Variants in DGKB observed in about 807,000 individuals in gnomAD.
DGKB encodes diacylglycerol kinase beta, also known as 90 kDa diacylglycerol kinase.
DGKB carries 67 observed loss-of-function variants against 114.3 expected under a neutral mutation model. The observed-to-expected ratio is 0.59, with a 90% CI of 0.48 to 0.72. DGKB has a LOEUF of 0.72. DGKB is among the 30% of genes least tolerant of loss of function. The pLI is 0.00. For synonymous variants in DGKB, 398 were observed against 323.1 expected (o/e 1.23, Z -2.49); for missense variants, 907 against 975.2 (o/e 0.93, Z 0.93).
intron 23 of DGKB, among the ~76,000 whole-genome samples, chr7:14,251,106 G>A (rs1172847692): frequency 1.3e-5 from 2 of 152,084 alleles, no homozygotes; most frequent in African/African-American, 4.8e-5. Flanking sequence ...CTTTTGACTG[G>A]AAACTTTAAT....
intron 2 of DGKB, among the ~76,000 whole-genome samples, chr7:14,814,735 C>T (rs1187972719): frequency 6.6e-6 from 1 of 151,876 alleles, no homozygotes; most frequent in African/African-American, 2.4e-5. Flanking sequence ...CCAAATATTC[C>T]TCCTTTAGAT....
At chr7:14,600,239 T>C (rs922150969) in intron 17 of DGKB, among the ~76,000 whole-genome samples, 77 of 152,172 alleles carry the variant, frequency 5.1e-4, no homozygotes, top group African/African-American at 1.7e-3. Flanking sequence ...TATAAGGGCA[T>C]TGATCCAACT....
At chr7:14,466,501 T>C (rs1448064536) in intron 21 of DGKB, among the ~76,000 whole-genome samples, 2 of 152,198 alleles carry the variant, frequency 1.3e-5, no homozygotes, top group Non-Finnish European at 2.9e-5. Flanking sequence ...TTGCAGCCAG[T>C]CAACACTGCA....
At chr7:14,684,857 CATT>C (rs1821403191) in intron 10 of DGKB, among the ~76,000 whole-genome samples, 1 of 151,542 alleles carries the variant, frequency 6.6e-6, no homozygotes, top group Non-Finnish European at 1.5e-5. Context: ...GGAATCAACT[CATT>C]ATAAGATGTT....
At chr7:14,188,012 A>G (rs1161388054) in intron 23 of DGKB, among the ~76,000 whole-genome samples, 1 of 152,210 alleles carries the variant, frequency 6.6e-6, no homozygotes, top group African/African-American at 2.4e-5. Flanking sequence ...AAATAAAAAA[A>G]GAACCAAGCG....
chr7:14,733,711 AAG>A (rs772718492), intron 5 of DGKB, among the ~76,000 whole-genome samples: 3 of 150,330 alleles, frequency 2.0e-5, no homozygotes, highest in Non-Finnish European at 4.4e-5. Flanking sequence ...GAAAGAATGA[AAG>A]AGAGAAAGAG....
intron 2 of DGKB, among the ~76,000 whole-genome samples, chr7:14,810,184 C>T (rs1179239590): frequency 1.3e-5 from 2 of 152,192 alleles, no homozygotes; most frequent in South Asian, 2.1e-4. Flanking sequence ...AAAGACTAGG[C>T]TCAGAGGTCA....
chr7:14,725,435 G>A (rs1829874250), intron 5 of DGKB, among the ~76,000 whole-genome samples: 1 of 151,906 alleles, frequency 6.6e-6, no homozygotes, highest in Admixed American at 6.6e-5. Context: ...TATTAAAAGA[G>A]CCCATGATGC....
chr7:14,345,359 C>T lies in DGKB; in HGVS notation c.1868G>A (p.Gly623Asp), dbSNP rs1318885772. 6.5e-7 allele frequency: 1 copy of T among 1,544,316 alleles called. No homozygotes were observed. The highest frequency in any genetic ancestry group is 8.7e-7 in the Non-Finnish European group (1 of 1,143,386). The change falls in exon 22 of 26, where the codon GGC becomes GAC. Residue 623 changes from glycine (G) to aspartate (D), a missense_variant. By Grantham distance (94) the Gly-to-Asp change is moderately conservative. This residue lies in a region of DGKB where 814 missense variants were observed against 856.6 expected (regional missense o/e 0.95). Transcript: ENST00000402815. ...MKNKFWYFEF[G>D]TSETFSATCK... ...GGTGGCTGAGAAAGTTTCAGATGTG[C>T]CAAACTCAAAATACCAAAATTTGTT...
At chr7:14,718,426 T>G (rs1585938435) in intron 6 of DGKB, 116 bp downstream of exon 6, 1 of 822,034 alleles carries the variant, frequency 1.2e-6, no homozygotes, top group East Asian at 3.1e-5. Context: ...TTAAGCAGGA[T>G]CACTTTATTC....
At chr7:14,829,840 A>G (rs1846177676) in intron 2 of DGKB, among the ~76,000 whole-genome samples, 1 of 152,134 alleles carries the variant, frequency 6.6e-6, no homozygotes, top group Non-Finnish European at 1.5e-5. Context: ...GGTATCACAG[A>G]GTAGTGCCTC....
At chr7:14,782,827 T>TTATA (rs35531994) in intron 2 of DGKB, among the ~76,000 whole-genome samples, 55 of 149,796 alleles carry the variant, frequency 3.7e-4, no homozygotes, top group Non-Finnish European at 1.5e-4. Flanking sequence ...GCTCACATGA[T>TTATA]TATATATATA....
chr7:14,326,730 A>G (rs1451377993), intron 23 of DGKB, among the ~76,000 whole-genome samples: 2 of 152,148 alleles, frequency 1.3e-5, no homozygotes, highest in African/African-American at 4.8e-5. Context: ...TCTGCAAAAC[A>G]AAAACACCCC....
intron 23 of DGKB, among the ~76,000 whole-genome samples, chr7:14,203,313 A>C (rs1475504359): frequency 6.6e-6 from 1 of 151,948 alleles, no homozygotes; most frequent in East Asian, 1.9e-4. Flanking sequence ...AATTGGGTTG[A>C]GGAACAAACA....
At chr7:14,649,017 C>G (rs13238566) in intron 13 of DGKB, among the ~76,000 whole-genome samples, 12,294 of 45,058 alleles carry the variant, frequency 0.27, 5,058 homozygotes, top group African/African-American at 0.58. Flanking sequence ...ATCTACGTCT[C>G]ATTGGTGTAC....
chr7:14,848,574 G>A (rs1423511408), intron 1 of DGKB, among the ~76,000 whole-genome samples: 2 of 152,170 alleles, frequency 1.3e-5, no homozygotes, highest in African/African-American at 2.4e-5. Flanking sequence ...CTGATGTGGT[G>A]ACAAAAAGCT....
At chr7:14,779,091 G>A (rs1838678625) in intron 2 of DGKB, among the ~76,000 whole-genome samples, 1 of 152,076 alleles carries the variant, frequency 6.6e-6, no homozygotes, top group Admixed American at 6.5e-5. Context: ...GGGAGGGAGA[G>A]GTTGCAGTGA....
chr7:14,694,756 T>C (rs571820428), intron 8 of DGKB, among the ~76,000 whole-genome samples: 1 of 152,248 alleles, frequency 6.6e-6, no homozygotes, highest in Admixed American at 6.5e-5. Context: ...CATTTACCTC[T>C]CTGTGGTATG....
intron 20 of DGKB, among the ~76,000 whole-genome samples, chr7:14,504,964 A>C (rs1249998009): frequency 6.6e-6 from 1 of 152,168 alleles, no homozygotes; most frequent in Non-Finnish European, 1.5e-5. Flanking sequence ...AAATCCTCAA[A>C]GGAACAAGAG....
Sources: gnomAD v4.1 joint callset for allele counts (sites outside exome capture counted in the v4.1 genomes callset) on GRCh38, gnomAD v4.1.1 for gene constraint, gnomAD v4.1.1 regional missense constraint, MANE v1.5 for transcripts, NCBI Gene and HGNC (gene_info 2026-07-23, HGNC 2026-07-21) for gene names.